TMEM178A: variants seen among roughly 807,000 people sequenced by gnomAD.
TMEM178A encodes the protein transmembrane protein 178.
TMEM178A carries 12 observed loss-of-function variants against 29.1 expected under a neutral mutation model. The observed-to-expected ratio is 0.41, with a 90% CI of 0.26 to 0.67. TMEM178A has a LOEUF of 0.67. Ranked by LOEUF, TMEM178A falls within the 30% of genes least tolerant of loss-of-function variation. The pLI, the probability that TMEM178A is intolerant of heterozygous loss-of-function variation, is 0.29. For missense variants in TMEM178A, 366 were observed against 419.1 expected (o/e 0.87, Z 1.11); for synonymous variants, 210 against 187.2 (o/e 1.12, Z -0.99).
At chr2:39,700,202 C>T (rs910218853) in intron 1 of TMEM178A, among the ~76,000 whole-genome samples, 2 of 151,968 alleles carry the variant, frequency 1.3e-5, no homozygotes, top group Non-Finnish European at 2.9e-5. Flanking sequence ...TTTTGTTGAT[C>T]TTCTGTCCAG....
chr2:39,709,931 C>G (rs1672230287), intron 3 of TMEM178A, among the ~76,000 whole-genome samples: 1 of 152,124 alleles, frequency 6.6e-6, no homozygotes, highest in African/African-American at 2.4e-5. Flanking sequence ...ACCATGAAAG[C>G]CTACTGAGTG....
Position 39,704,168 on chromosome 2 carries a change from T to C in TMEM178A, c.488T>C (p.Ile163Thr). The C allele has an allele frequency of 6.2e-7, 1 of 1,614,130 alleles. No individual in the cohort carries two copies. Among genetic ancestry groups the C allele is most frequent in the Non-Finnish European group, 8.5e-7 (1 of 1,179,996 alleles). Residue 163 changes from isoleucine (I) to threonine (T), a missense_variant, in exon 2 of 4, where the codon ATA becomes ACA. Transcript: ENST00000281961. Reference sequence around the variant, plus strand: ...ATTCCTTTTAATTTAACCAAGACCATACAGCAAGATGAGTGGCACCTGCTT... The same window carrying C: ...ATTCCTTTTAATTTAACCAAGACCACACAGCAAGATGAGTGGCACCTGCTT... The part of the protein sequence containing the change: ...RNIPFNLTKT[I>T]QQDEWHLLHL...
At chr2:39,671,564 CTT>C (rs755764275) in intron 1 of TMEM178A, among the ~76,000 whole-genome samples, 7 of 152,112 alleles carry the variant, frequency 4.6e-5, no homozygotes, top group Non-Finnish European at 8.8e-5. Flanking sequence ...TTCTTTCCCT[CTT>C]TACTTCTCAA....
intron 1 of TMEM178A, chr2:39,687,354 T>G (rs544017918): frequency 4.2e-5 from 7 of 166,944 alleles, no homozygotes; most frequent in Non-Finnish European, 7.3e-5. Context: ...TCCCCACTCA[T>G]AGAGAGATTT....
chr2:39,697,997 A>G (rs1370470045), intron 1 of TMEM178A: 1 of 152,252 alleles, frequency 6.6e-6, no homozygotes, highest in African/African-American at 2.4e-5. Flanking sequence ...TGCAGGTAGG[A>G]TGAAGCCACT....
chr2:39,714,401 A>G (rs1347288690), intron 3 of TMEM178A, among the ~76,000 whole-genome samples: 1 of 152,200 alleles, frequency 6.6e-6, no homozygotes, highest in Non-Finnish European at 1.5e-5. Context: ...AATTAATACA[A>G]ATAAATAAAG....
intron 1 of TMEM178A, among the ~76,000 whole-genome samples, chr2:39,667,256 C>T (rs1670206967): frequency 6.6e-6 from 1 of 151,450 alleles, no homozygotes; most frequent in Non-Finnish European, 1.5e-5. Context: ...TTTTGTTTGG[C>T]ACTGAGTTGC....
rs115243473 is a variant in TMEM178A at position 39,679,340 on chromosome 2, G to T, written c.400+12966G>T. Among the ~76,000 whole-genome samples, 765 of 152,060 alleles carry T rather than the reference G, an allele frequency of 5.0e-3. 5 individuals carry two copies. Among genetic ancestry groups the T allele is most frequent in the African/African-American group, 0.018 (732 of 41,492 alleles). On this transcript the variant is annotated intron_variant, in intron 1 of 3. Coordinates refer to ENST00000281961, the MANE Select transcript of TMEM178A (RefSeq NM_152390.3). ...ACAGGAGAAGTGAGAGTTATTCTCA[G>T]TTTTCAAAGACTAAGACACTAATTA... is the stretch of plus-strand genomic sequence containing the variant.
At chr2:39,666,476 G>A (rs1670166326) in intron 1 of TMEM178A, 102 bp downstream of exon 1, 2 of 1,007,098 alleles carry the variant, frequency 2.0e-6, no homozygotes, top group Admixed American at 4.8e-5. Flanking sequence ...CCCAGCCGCG[G>A]CCCCGCGCCT....
chr2:39,696,937 C>T (rs191157810), intron 1 of TMEM178A, among the ~76,000 whole-genome samples: 1 of 152,108 alleles, frequency 6.6e-6, no homozygotes, highest in East Asian at 1.9e-4. Flanking sequence ...CATGTTTCTT[C>T]CCCCCATTGT....
chr2:39,673,259 A>G (rs1670479009), intron 1 of TMEM178A, among the ~76,000 whole-genome samples: 1 of 152,172 alleles, frequency 6.6e-6, no homozygotes, highest in South Asian at 2.1e-4. Flanking sequence ...GCTGCACCCC[A>G]TCTTTCTTGC....
intron 2 of TMEM178A, among the ~76,000 whole-genome samples, chr2:39,706,524 T>G (rs1428473425): frequency 6.6e-6 from 1 of 152,250 alleles, no homozygotes; most frequent in African/African-American, 2.4e-5. Flanking sequence ...AATTGGCATC[T>G]GTGGTGATCA....
intron 2 of TMEM178A, among the ~76,000 whole-genome samples, chr2:39,706,846 T>G (rs569527152): frequency 1.0e-3 from 153 of 152,330 alleles, no homozygotes; most frequent in Non-Finnish European, 1.9e-3. Flanking sequence ...GACGGTATAG[T>G]CTGACCCTCC....
At chr2:39,710,894 A>G (rs1046378943) in intron 3 of TMEM178A, among the ~76,000 whole-genome samples, 11 of 152,220 alleles carry the variant, frequency 7.2e-5, no homozygotes, top group African/African-American at 2.7e-4. Flanking sequence ...TTAAAATGGA[A>G]ACTCTGAAAC....
At chr2:39,725,790 T>C in the TMEM178A span, among the ~76,000 whole-genome samples, 2 of 152,296 alleles carry the variant, frequency 1.3e-5, no homozygotes, top group South Asian at 4.1e-4. Flanking sequence ...TAACATACGA[T>C]TGTAGACTCA....
At chr2:39,669,836 G>A (rs1461678613) in intron 1 of TMEM178A, among the ~76,000 whole-genome samples, 3 of 152,198 alleles carry the variant, frequency 2.0e-5, no homozygotes, top group Non-Finnish European at 4.4e-5. Context: ...AAATGCTTTA[G>A]AGATATTACA....
upstream of TMEM178A, chr2:39,665,703 G>T (rs1401715023): frequency 3.1e-6 from 1 of 317,624 alleles, no homozygotes; most frequent in African/African-American, 2.5e-5. Flanking sequence ...GAGGGGGCTG[G>T]GGAAGAGGAG....
At chr2:39,702,970 A>G (rs1244770611) in intron 1 of TMEM178A, among the ~76,000 whole-genome samples, 1 of 152,210 alleles carries the variant, frequency 6.6e-6, no homozygotes. Flanking sequence ...CTTAGGGAAG[A>G]TGATCCTGTA....
chr2:39,675,802 C>A (rs1670598854), intron 1 of TMEM178A, among the ~76,000 whole-genome samples: 1 of 151,854 alleles, frequency 6.6e-6, no homozygotes, highest in Admixed American at 6.6e-5. Context: ...TTTTTAGAGA[C>A]AAGGTTTCAT....
Sources: allele counts gnomAD v4.1 joint callset (sites outside exome capture counted in the v4.1 genomes callset), GRCh38; gene constraint gnomAD v4.1.1; transcripts MANE v1.5; gene names NCBI Gene and HGNC (gene_info 2026-07-23, HGNC 2026-07-21).